PHTF1: variants seen among roughly 807,000 people sequenced by gnomAD.
The protein encoded by PHTF1 is protein PHTF1.
PHTF1 carries 88 observed loss-of-function variants against 102.4 expected under a neutral mutation model. The observed-to-expected ratio is 0.86, with a 90% CI of 0.72 to 1.03. PHTF1 has a LOEUF of 1.03. Ranked by LOEUF, PHTF1 falls within the 50% of genes least tolerant of loss-of-function variation. The pLI is 0.00. For synonymous variants in PHTF1, 289 were observed against 305.2 expected (o/e 0.95, Z 0.55); for missense variants, 814 against 909.5 (o/e 0.89, Z 1.35).
chr1:113,703,886 TAC>T (rs758706701), intron 15 of PHTF1, 193 bp downstream of exon 15: 46 of 519,808 alleles, frequency 8.8e-5, no homozygotes, highest in Middle Eastern at 5.1e-4. Flanking sequence ...AGAGCGATCT[TAC>T]AGTTTGAAAG....
intron 3 of PHTF1, among the ~76,000 whole-genome samples, chr1:113,742,742 A>T (rs1039490273): frequency 6.6e-6 from 1 of 152,216 alleles, no homozygotes; most frequent in Admixed American, 6.5e-5. Context: ...ATGAAAGTGA[A>T]AGCCTAGGAC....
At chr1:113,708,158 T>C (rs1421402388) in intron 11 of PHTF1, among the ~76,000 whole-genome samples, 1 of 152,160 alleles carries the variant, frequency 6.6e-6, no homozygotes, top group African/African-American at 2.4e-5. Context: ...ATTTTAGAAT[T>C]ATCACTCTGG....
intron 7 of PHTF1, among the ~76,000 whole-genome samples, chr1:113,716,716 T>C (rs1000229929): frequency 6.6e-6 from 1 of 151,940 alleles, no homozygotes; most frequent in Admixed American, 6.6e-5. Flanking sequence ...CCAACAAAAA[T>C]AAACTTCAAA....
chr1:113,716,957 T>G (rs1652143594), intron 7 of PHTF1, among the ~76,000 whole-genome samples: 1 of 152,138 alleles, frequency 6.6e-6, no homozygotes, highest in Admixed American at 6.5e-5. Context: ...ACTCATATCT[T>G]CAATAGGAAG....
chr1:113,755,952 A>G (rs1044449427), intron 3 of PHTF1, among the ~76,000 whole-genome samples: 1 of 151,910 alleles, frequency 6.6e-6, no homozygotes, highest in Admixed American at 6.6e-5. Context: ...CTGTAGTCCC[A>G]ACTACTCGGG....
chr1:113,704,538 CA>C lies in PHTF1; in HGVS notation c.1803+127del, dbSNP rs1338469010. The C allele has an allele frequency of 5.1e-5, 33 of 643,850 alleles. No individual in the cohort carries two copies. The African/African-American group carries it at 5.9e-4, about 11-fold the overall frequency. The allele number at this position is 643,850 out of a possible 1,614,324, so 39.9% of individuals were successfully genotyped here. On this transcript the variant is annotated intron_variant, in intron 14 of 18. Transcript: ENST00000369604. The stretch of plus-strand genomic sequence containing the variant: ...AGATGACATCCAACTTGCTGTCCAG[CA>C]AGTCTGTCAGCTGCTGCTATAATCT...
chr1:113,708,015 G>A (rs763526344), intron 11 of PHTF1, among the ~76,000 whole-genome samples: 5 of 152,158 alleles, frequency 3.3e-5, no homozygotes, highest in South Asian at 2.1e-4. Flanking sequence ...TAGTTGAGTC[G>A]AAGTTCACCA....
At chr1:113,736,649 G>A (rs1264807231) in intron 5 of PHTF1, among the ~76,000 whole-genome samples, 2 of 152,106 alleles carry the variant, frequency 1.3e-5, no homozygotes, top group African/African-American at 4.8e-5. Context: ...GGAGGTTGAG[G>A]CACGAGAATC....
intron 14 of PHTF1, 63 bp from the exon 15 acceptor site, chr1:113,704,230 T>G (rs1649787505): frequency 1.1e-6 from 1 of 888,802 alleles, no homozygotes; most frequent in African/African-American, 1.7e-5. Context: ...GCCCTCACAT[T>G]ATTAACACTC....
rs753250696 is a variant in PHTF1, at chr1:113,738,195, T to C, written c.246A>G (p.Val82=). 3.5e-5 allele frequency: 56 copies of C among 1,613,546 alleles called. No homozygotes were observed. In the East Asian group the frequency reaches 1.1e-3, roughly 31 times the overall value. ...ACCAATTGCTGAACAATGGAAAAAA[T>C]ACAACTCGAACAAGCCCCTTCCGAG... ...SLTRKGLVRV[V]FFPLFSNWWI... is the part of the protein sequence containing the mutation. Residue 82 remains valine (V), a synonymous_variant, in exon 5 of 19, where the codon GTA becomes GTG. Coordinates refer to ENST00000369604, the MANE Select transcript of PHTF1 (RefSeq NM_001323043.2).
At chr1:113,727,907 A>G in intron 5 of PHTF1, among the ~76,000 whole-genome samples, 1 of 152,144 alleles carries the variant, frequency 6.6e-6, no homozygotes, top group East Asian at 1.9e-4. Flanking sequence ...CCAGAAGTCG[A>G]GGCTGTAGTG....
chr1:113,746,417 G>A (rs1657243558), intron 3 of PHTF1, among the ~76,000 whole-genome samples: 1 of 152,182 alleles, frequency 6.6e-6, no homozygotes, highest in Admixed American at 6.5e-5. Context: ...CCCTGACTAA[G>A]GTGGAAGTCT....
At chr1:113,702,755 T>C (rs1304700446) in intron 15 of PHTF1, among the ~76,000 whole-genome samples, 1 of 151,946 alleles carries the variant, frequency 6.6e-6, no homozygotes, top group African/African-American at 2.4e-5. Context: ...TAAAAACAGG[T>C]AGACAAAGAT....
rs1649390771 is a variant in PHTF1, at chr1:113,701,087, TTAAC to T, written c.1891-142_1891-139del. The T allele has an allele frequency of 1.2e-5, 8 of 656,258 alleles. No homozygotes were observed. The South Asian group carries it at 1.3e-4, about 11-fold the overall frequency. 40.7% of individuals were successfully genotyped at this position (656,258 alleles called of 1,614,324 possible). ...GAAAGCAGAAGAGCTTTAATACTCATTAACTATTACCTATTTATTTAATCACTAT... is the reference window on the plus strand; with the variant it reads ...GAAAGCAGAAGAGCTTTAATACTCATTATTACCTATTTATTTAATCACTAT... On this transcript the variant is annotated intron_variant, in intron 15 of 18. Coordinates refer to ENST00000369604, the MANE Select transcript of PHTF1 (RefSeq NM_001323043.2).
Position 113,705,944 on chromosome 1 carries a change from A to G in PHTF1, c.1617T>C (p.Cys539=). Residue 539 remains cysteine, a synonymous_variant, in exon 13 of 19, where the codon TGT becomes TGC. Transcript: ENST00000369604. ...TCATGAAAAAAAACATCCAAGTAAG[A>G]CACAATCTTTCAAAAAAATTAATTA... ...LSIINFFERL[C]LTWMFFFMMC... is the part of the protein sequence containing the mutation. The G allele has an allele frequency of 6.2e-7, 1 of 1,614,100 alleles. No individual in the cohort carries two copies. Among genetic ancestry groups the G allele is most frequent in the Non-Finnish European group, 8.5e-7 (1 of 1,179,944 alleles).
At chr1:113,716,542 T>C (rs1652065662) in intron 7 of PHTF1, among the ~76,000 whole-genome samples, 1 of 151,758 alleles carries the variant, frequency 6.6e-6, no homozygotes. Context: ...AGAGACTGGG[T>C]CTCCCTAATG....
At chr1:113,723,342 T>C (rs1197881003) in intron 7 of PHTF1, among the ~76,000 whole-genome samples, 1 of 152,140 alleles carries the variant, frequency 6.6e-6, no homozygotes, top group Non-Finnish European at 1.5e-5. Context: ...CACGCCCGGA[T>C]AATTCTTGTA....
intron 13 of PHTF1, among the ~76,000 whole-genome samples, chr1:113,705,588 A>T (rs1650001643): frequency 6.6e-6 from 1 of 152,246 alleles, no homozygotes; most frequent in African/African-American, 2.4e-5. Context: ...TAATTATTTT[A>T]TTCTATGGAT....
At chr1:113,722,965 A>AAAAT (rs1653220400) in intron 7 of PHTF1, among the ~76,000 whole-genome samples, 2 of 140,904 alleles carry the variant, frequency 1.4e-5, no homozygotes, top group East Asian at 2.0e-4. Flanking sequence ...TAAATAAATA[A>AAAAT]AAATAAAAAT....
Sources: gnomAD v4.1 joint callset for allele counts (sites outside exome capture counted in the v4.1 genomes callset) on GRCh38, gnomAD v4.1.1 for gene constraint, MANE v1.5 for transcripts, NCBI Gene and HGNC (gene_info 2026-07-23, HGNC 2026-07-21) for gene names.